DPP8: variants seen among roughly 807,000 people sequenced by gnomAD.
The protein encoded by DPP8 is DPP VIII.
Under a neutral mutation model 107.5 loss-of-function variants are expected in DPP8, and 31 were observed. The ratio of observed to expected loss-of-function variants is 0.29; its 90% CI spans 0.22 to 0.39. DPP8 has a LOEUF of 0.39. Ranked by LOEUF, DPP8 falls within the 10% of genes least tolerant of loss-of-function variation. The pLI is 1.00. For missense variants in DPP8, 842 were observed against 1,076.1 expected (o/e 0.78, Z 3.04); for synonymous variants, 381 against 356.6 (o/e 1.07, Z -0.77).
At chr15:65,479,120 G>T in intron 10 of DPP8, 81 bp from the exon 11 acceptor site, 1 of 928,116 alleles carries the variant, frequency 1.1e-6, no homozygotes, top group Non-Finnish European at 1.5e-6. Context: ...AAAATTTCTT[G>T]ATAAATATAC....
chr15:65,480,165 T>G (rs114445182), intron 10 of DPP8, 57 bp downstream of exon 10: 2 of 1,500,032 alleles, frequency 1.3e-6, no homozygotes, highest in African/African-American at 2.8e-5. Context: ...CTATATAACT[T>G]CATTTGCTTT....
chr15:65,511,195 GAA>G (rs1346000341), intron 2 of DPP8, among the ~76,000 whole-genome samples: 1 of 151,968 alleles, frequency 6.6e-6, no homozygotes, highest in Non-Finnish European at 1.5e-5. Context: ...CAACAGATTA[GAA>G]AAACCTAAAT....
At chr15:65,507,421 C>A in intron 2 of DPP8, 66 bp from the exon 3 acceptor site, 1 of 995,662 alleles carries the variant, frequency 1.0e-6, no homozygotes, top group Non-Finnish European at 1.6e-6. Flanking sequence ...GTCACAGTTG[C>A]AAGTACATAA....
chr15:65,499,689 T>G (rs1265799307), intron 4 of DPP8, among the ~76,000 whole-genome samples: 1 of 152,080 alleles, frequency 6.6e-6, no homozygotes, highest in African/African-American at 2.4e-5. Context: ...CTCAGCTTCC[T>G]GAGTAGCTGG....
chr15:65,459,310 G>A (rs1305653248), intron 15 of DPP8, among the ~76,000 whole-genome samples: 1 of 152,030 alleles, frequency 6.6e-6, no homozygotes, highest in African/African-American at 2.4e-5. Flanking sequence ...CCAAGTAGCT[G>A]GGACCAGAGG....
chr15:65,480,345 G>C lies in DPP8; in HGVS notation c.1173C>G (p.Ile391Met). The C allele has an allele frequency of 5.0e-6, 8 of 1,613,548 alleles. No homozygotes were observed. Among genetic ancestry groups the C allele is most frequent in the Non-Finnish European group, 6.8e-6 (8 of 1,179,820 alleles). Residue 391 changes from isoleucine to methionine, a missense_variant, in exon 10 of 20, where the codon ATC (isoleucine) becomes ATG (methionine). Coordinates refer to ENST00000300141, the MANE Select transcript of DPP8 (RefSeq NM_130434.5). ...RSQTRLQIVLISPELFIPVED... is the reference protein window; with the variant it reads ...RSQTRLQIVLMSPELFIPVED... ...CTACTGGGATAAATAATTCAGGTGAGATCAACACTATCTGTAGGCGAGTCT... is the reference window on the plus strand; with the variant it reads ...CTACTGGGATAAATAATTCAGGTGACATCAACACTATCTGTAGGCGAGTCT...
chr15:65,478,319 C>T lies in DPP8; in HGVS notation c.1456+561G>A, dbSNP rs139907663. Among the ~76,000 whole-genome samples, 1,468 of 152,186 alleles carry T rather than the reference C, an allele frequency of 9.6e-3. 16 individuals carry two copies. Among genetic ancestry groups the T allele is most frequent in the Non-Finnish European group, 0.012 (811 of 68,004 alleles). On this transcript the variant is annotated intron_variant, in intron 11 of 19. Transcript: ENST00000300141. ...CTGTTGCCAGACTGGAGTGTGGTGG[C>T]GTGATCTTGGCTCACTGCAATCTCC...
intron 15 of DPP8, chr15:65,459,097 C>G (rs2064697415): frequency 6.6e-6 from 1 of 151,530 alleles, no homozygotes; most frequent in African/African-American, 2.4e-5. Context: ...TCTCAAACTC[C>G]TGGGCTCAAC....
At chr15:65,498,637 T>C (rs1162832495) in intron 4 of DPP8, among the ~76,000 whole-genome samples, 4 of 152,150 alleles carry the variant, frequency 2.6e-5, no homozygotes, top group Admixed American at 6.6e-5. Context: ...TTAAACATTG[T>C]TATTAAACAC....
intron 12 of DPP8, 24 bp downstream of exon 12, chr15:65,474,183 CAT>C: frequency 6.7e-7 from 1 of 1,500,178 alleles, no homozygotes; most frequent in Non-Finnish European, 9.3e-7. Context: ...ACTGACCAAA[CAT>C]ATCAGTAGAA....
chr15:65,475,481 C>G, intron 11 of DPP8: 1 of 1,524,994 alleles, frequency 6.6e-7, no homozygotes. Flanking sequence ...GGGTCCCTGT[C>G]TCACTCCCAC....
intron 13 of DPP8, 83 bp from the exon 14 acceptor site, chr15:65,466,896 C>A: frequency 2.1e-6 from 3 of 1,443,420 alleles, no homozygotes; most frequent in Non-Finnish European, 2.9e-6. Flanking sequence ...AATGATATAG[C>A]AAGAGTATTA....
intron 14 of DPP8, 36 bp from the exon 15 acceptor site, chr15:65,463,942 G>T: frequency 6.9e-7 from 1 of 1,443,500 alleles, no homozygotes; most frequent in East Asian, 2.5e-5. Context: ...CTACAAAAGA[G>T]TTCTTATGGG....
intron 6 of DPP8, 43 bp from the exon 7 acceptor site, chr15:65,487,861 C>A: frequency 7.3e-7 from 1 of 1,368,846 alleles, no homozygotes; most frequent in Middle Eastern, 2.2e-4. Context: ...AGAATTATTC[C>A]AGAGAGTAGT....
chr15:65,466,977 C>A, intron 13 of DPP8, 94 bp downstream of exon 13: 1 of 1,510,946 alleles, frequency 6.6e-7, no homozygotes. Flanking sequence ...GAGAATTAGG[C>A]TTTTGCAGGC....
intron 15 of DPP8, among the ~76,000 whole-genome samples, chr15:65,461,498 A>G (rs990681648): frequency 6.6e-6 from 1 of 152,114 alleles, no homozygotes; most frequent in African/African-American, 2.4e-5. Context: ...TCATTTCTTC[A>G]CTGGGAGGGG....
At chr15:65,485,990 G>T (rs564636202) in intron 7 of DPP8, among the ~76,000 whole-genome samples, 2 of 149,978 alleles carry the variant, frequency 1.3e-5, no homozygotes, top group Non-Finnish European at 3.0e-5. Context: ...GCTACTCAGG[G>T]GGCTGAGGCA....
chr15:65,508,997 C>T (rs1382910155), intron 2 of DPP8, among the ~76,000 whole-genome samples: 3 of 152,136 alleles, frequency 2.0e-5, no homozygotes, highest in African/African-American at 7.2e-5. Flanking sequence ...AGAAGGTAGC[C>T]TCGGGAAAGG....
At chr15:65,479,566 C>T (rs1411545073) in intron 10 of DPP8, among the ~76,000 whole-genome samples, 4 of 151,980 alleles carry the variant, frequency 2.6e-5, no homozygotes, top group African/African-American at 7.2e-5. Flanking sequence ...GTATATTGGC[C>T]GGGTGCGGTG....
Sources: allele counts gnomAD v4.1 joint callset (sites outside exome capture counted in the v4.1 genomes callset), GRCh38; gene constraint gnomAD v4.1.1; transcripts MANE v1.5; gene names NCBI Gene and HGNC (gene_info 2026-07-23, HGNC 2026-07-21).